The following TMEM117 variants were observed in gnomAD, a reference collection of about 807,000 sequenced individuals.
The protein encoded by TMEM117 is transmembrane protein 117.
In TMEM117, 27 loss-of-function variants were observed where a neutral mutation model predicts 52.4. The observed-to-expected ratio is 0.51, with a 90% CI of 0.38 to 0.71. TMEM117 has a LOEUF of 0.71. TMEM117 is among the 30% of genes least tolerant of loss of function. The pLI is 0.00. For missense variants in TMEM117, 556 were observed against 630.5 expected (o/e 0.88, Z 1.26); for synonymous variants, 215 against 206.3 (o/e 1.04, Z -0.36).
At chr12:43,902,328 C>T (rs1944317268) in intron 2 of TMEM117, among the ~76,000 whole-genome samples, 1 of 152,132 alleles carries the variant, frequency 6.6e-6, no homozygotes, top group Admixed American at 6.5e-5. Flanking sequence ...AAGGCCCAGG[C>T]ACAGAAGGAA....
chr12:44,124,798 G>A (rs1948295005), intron 3 of TMEM117, among the ~76,000 whole-genome samples: 1 of 152,126 alleles, frequency 6.6e-6, no homozygotes, highest in Admixed American at 6.5e-5. Context: ...GCTAGATTCG[G>A]TTTGTCAATA....
chr12:43,837,109 T>C (rs1943044946), intron 1 of TMEM117, among the ~76,000 whole-genome samples: 1 of 152,158 alleles, frequency 6.6e-6, no homozygotes, highest in Admixed American at 6.5e-5. Flanking sequence ...CCCAAGTCTT[T>C]ATAGTTTAAA....
At chr12:43,805,926 A>T in the TMEM117 span, 7 of 1,515,540 alleles carry the variant, frequency 4.6e-6, no homozygotes, top group Non-Finnish European at 6.2e-6. Context: ...ACTGTCGGGG[A>T]CGGTGGAAGG....
At chr12:43,946,884 CT>C (rs1945142183) in intron 3 of TMEM117, among the ~76,000 whole-genome samples, 1 of 152,176 alleles carries the variant, frequency 6.6e-6, no homozygotes, top group Admixed American at 6.5e-5. Context: ...TATTCTCAGA[CT>C]AAATACAATC....
intron 1 of TMEM117, among the ~76,000 whole-genome samples, chr12:43,842,050 G>T (rs1327900865): frequency 1.3e-5 from 2 of 149,502 alleles, no homozygotes; most frequent in Admixed American, 1.4e-4. Context: ...ACTCACTGGT[G>T]ACCAGTGATG....
At chr12:43,908,475 G>A (rs1370437154) in intron 2 of TMEM117, among the ~76,000 whole-genome samples, 1 of 136,356 alleles carries the variant, frequency 7.3e-6, no homozygotes, top group Non-Finnish European at 1.6e-5. Context: ...CATAATGACA[G>A]GATCAGATTC....
chr12:44,296,902 AG>A (rs1472188503), intron 5 of TMEM117, among the ~76,000 whole-genome samples: 1 of 152,208 alleles, frequency 6.6e-6, no homozygotes, highest in Non-Finnish European at 1.5e-5. Flanking sequence ...TAGGGGGCTG[AG>A]GCTGTTTCTG....
intron 2 of TMEM117, among the ~76,000 whole-genome samples, chr12:43,920,711 C>A (rs1467524394): frequency 6.6e-6 from 1 of 152,006 alleles, no homozygotes; most frequent in Non-Finnish European, 1.5e-5. Flanking sequence ...CACCACCACA[C>A]CTGGCTCTAA....
chr12:43,866,010 A>G (rs1035049051), intron 2 of TMEM117, among the ~76,000 whole-genome samples: 2 of 151,894 alleles, frequency 1.3e-5, no homozygotes, highest in African/African-American at 4.9e-5. Flanking sequence ...GTTAATAGAA[A>G]CAGCACTTAG....
intron 3 of TMEM117, among the ~76,000 whole-genome samples, chr12:44,128,193 C>T (rs961645140): frequency 2.0e-5 from 3 of 152,214 alleles, no homozygotes; most frequent in Admixed American, 6.5e-5. Context: ...GCTGCCCTCT[C>T]CGCTCCTCTC....
At chr12:44,378,519 A>C (rs17121314) in intron 7 of TMEM117, among the ~76,000 whole-genome samples, 9,067 of 152,268 alleles carry the variant, frequency 0.06, 302 homozygotes, top group African/African-American at 0.084. Flanking sequence ...GGTAAAGCCT[A>C]CTGTGCATTT....
At chr12:43,873,171 C>T (rs1565729155) in intron 2 of TMEM117, among the ~76,000 whole-genome samples, 2 of 152,116 alleles carry the variant, frequency 1.3e-5, no homozygotes, top group Admixed American at 6.6e-5. Context: ...ATTAAAACTC[C>T]TTTTAATGGA....
intron 6 of TMEM117, among the ~76,000 whole-genome samples, chr12:44,339,630 A>G (rs1951389814): frequency 6.6e-6 from 1 of 152,024 alleles, no homozygotes; most frequent in African/African-American, 2.4e-5. Flanking sequence ...AGAAAATACA[A>G]TGAAAGATGT....
chr12:44,208,030 G>A (rs953847717), intron 4 of TMEM117, among the ~76,000 whole-genome samples: 7 of 152,114 alleles, frequency 4.6e-5, no homozygotes, highest in Non-Finnish European at 1.0e-4. Context: ...CCATGAAGCT[G>A]TATAGCAAAT....
chr12:44,317,299 TG>T (rs1045890830), intron 6 of TMEM117, among the ~76,000 whole-genome samples: 10 of 122,020 alleles, frequency 8.2e-5, no homozygotes, highest in South Asian at 2.3e-4. Context: ...TATATATATA[TG>T]TTTTTTTTTT....
chr12:43,822,264 C>T, the TMEM117 span, among the ~76,000 whole-genome samples: 4 of 152,188 alleles, frequency 2.6e-5, no homozygotes, highest in Non-Finnish European at 5.9e-5. Flanking sequence ...CACATTAAAA[C>T]AAGATTTTTA....
intron 2 of TMEM117, among the ~76,000 whole-genome samples, chr12:43,936,726 C>A (rs965713538): frequency 6.6e-6 from 1 of 152,070 alleles, no homozygotes; most frequent in Non-Finnish European, 1.5e-5. Context: ...TCAGATGCAG[C>A]CAGGATGTCT....
intron 4 of TMEM117, among the ~76,000 whole-genome samples, chr12:44,169,363 T>G (rs1164278759): frequency 6.6e-6 from 1 of 152,240 alleles, no homozygotes; most frequent in Non-Finnish European, 1.5e-5. Context: ...ATTTTCTTTC[T>G]TTCTTTTTAA....
In TMEM117 at chr12:44,191,699, A is replaced by G. The variant is rs1014334341; in HGVS notation, c.511-19591A>G. Among the ~76,000 whole-genome samples the G allele has an allele frequency of 1.2e-4, 18 of 152,146 alleles. 1 individual carries two copies. Among genetic ancestry groups the G allele is most frequent in the Admixed American group, 7.9e-4 (12 of 15,264 alleles). On this transcript the variant is annotated intron_variant, in intron 4 of 7. Transcript: ENST00000266534. ...AGTACCTCATCCAGGTCTCACAACAATCATGTCACGAATGCAGGGCTCACT... is the reference window on the plus strand; with the variant it reads ...AGTACCTCATCCAGGTCTCACAACAGTCATGTCACGAATGCAGGGCTCACT...
Sources: allele counts gnomAD v4.1 joint callset (sites outside exome capture counted in the v4.1 genomes callset), GRCh38; gene constraint gnomAD v4.1.1; transcripts MANE v1.5; gene names NCBI Gene and HGNC (gene_info 2026-07-23, HGNC 2026-07-21).